Variants in MAP3K14 observed in about 807,000 individuals in gnomAD.
MAP3K14 encodes the protein NF-kappa-beta-inducing kinase.
Under a neutral mutation model 99.2 loss-of-function variants are expected in MAP3K14, and 16 were observed. The ratio of observed to expected loss-of-function variants is 0.16; its 90% confidence interval spans 0.11 to 0.24. The LOEUF is 0.24. Among genes scored for constraint, MAP3K14 ranks in the 10% least tolerant of loss-of-function variants. The probability of loss-of-function intolerance (pLI) is 1.00; values close to 1 mark genes in which losing one functional copy is unlikely to be tolerated. For missense variants in MAP3K14, 784 were observed against 1,208.7 expected, an observed-to-expected ratio of 0.65 and a Z score of 5.21; for synonymous variants, 462 against 492.4, an observed-to-expected ratio of 0.94 and a Z score of 0.82.
In MAP3K14 at chr17:45,290,790, G is replaced by C. The variant is rs187427485; in HGVS notation, c.-20-25C>G. ...CCTGAGAGAGACCAAACACAGAGCA[G>C]GTCACTTAGAATCCCAGACCTGGGA... On this transcript the variant is annotated intron_variant, in intron 1 of 15. Transcript: ENST00000344686. 17 of 1,594,798 alleles carry C rather than the reference G, an allele frequency of 1.1e-5. No individual in the cohort carries two copies. The East Asian group carries it at 1.4e-4, about 13-fold the overall frequency.
At chr17:45,288,664 T>C (rs2044287227) in intron 3 of MAP3K14, among the ~76,000 whole-genome samples, 2 of 152,146 alleles carry the variant, frequency 1.3e-5, no homozygotes, top group South Asian at 2.1e-4. Flanking sequence ...GTGAGAGCCA[T>C]TGTGCCCAGC....
At chr17:45,265,734 G>C (rs2044074759) in intron 14 of MAP3K14, among the ~76,000 whole-genome samples, 1 of 152,058 alleles carries the variant, frequency 6.6e-6, no homozygotes, top group South Asian at 2.1e-4. Context: ...CACCACACCT[G>C]GTCACAAAGC....
Position 45,264,120 on chromosome 17 carries a change from CAGGCAAGGG to C in MAP3K14, c.*507_*515del. Reference sequence around the variant, plus strand: ...AAGGGGTGAGCTGGCCAGGTGAGGCCAGGCAAGGGGTTTAGAGGGCCCCCTTAACCTACG... The same window carrying C: ...AAGGGGTGAGCTGGCCAGGTGAGGCCGTTTAGAGGGCCCCCTTAACCTACG... On this transcript the variant is annotated 3_prime_UTR_variant, in exon 16 of 16. Transcript: ENST00000344686. 1 of 152,896 alleles carries C rather than the reference CAGGCAAGGG, an allele frequency of 6.5e-6. No homozygotes were observed. The highest frequency in any genetic ancestry group is 1.5e-5 in the Non-Finnish European group (1 of 68,458). The allele number at this position is 152,896 out of a possible 1,614,324, so 9.5% of individuals were successfully genotyped here.
chr17:45,296,695 C>T (rs1267689279), intron 1 of MAP3K14, among the ~76,000 whole-genome samples: 1 of 148,320 alleles, frequency 6.7e-6, no homozygotes, highest in East Asian at 1.9e-4. Flanking sequence ...GCCCTTCCCC[C>T]AGTTTGTTCC....
At chr17:45,289,470 G>C (rs8068050) in intron 2 of MAP3K14, among the ~76,000 whole-genome samples, 165 bp from the exon 3 acceptor site, 239 of 152,190 alleles carry the variant, frequency 1.6e-3, no homozygotes, top group African/African-American at 5.4e-3. Context: ...TTCCCGCACT[G>C]TCTCTCCCCA....
In MAP3K14 at chr17:45,269,047, G is replaced by C. The variant is rs556621320; in HGVS notation, c.1973-1288C>G. ...TTTATTTATTTATTTTTTGAGTCGG[G>C]TCTCTGTTGCGCAGGCTGGAGTGCA... On this transcript the variant is annotated intron_variant, in intron 11 of 15. Coordinates refer to ENST00000344686, the MANE Select transcript of MAP3K14 (RefSeq NM_003954.5). 1.9e-3 allele frequency among the ~76,000 whole-genome samples: 290 copies of C among 152,140 alleles called. 1 individual carries two copies. Among genetic ancestry groups the C allele is most frequent in the Non-Finnish European group, 3.1e-3 (210 of 68,004 alleles).
At chr17:45,271,941 G>A (rs1049385108) in intron 9 of MAP3K14, among the ~76,000 whole-genome samples, 2 of 152,178 alleles carry the variant, frequency 1.3e-5, no homozygotes, top group African/African-American at 4.8e-5. Context: ...GTAAAAGACT[G>A]AAAGGATAGA....
chr17:45,285,774 A>G (rs1485325111), intron 5 of MAP3K14, among the ~76,000 whole-genome samples: 2 of 152,074 alleles, frequency 1.3e-5, no homozygotes, highest in African/African-American at 4.8e-5. Context: ...TGGGCAACAT[A>G]GCAAGACCTC....
In MAP3K14 at chr17:45,270,562, A is replaced by G; in HGVS notation, c.1823T>C (p.Ile608Thr). 1 of 1,547,898 alleles carries G rather than the reference A, an allele frequency of 6.5e-7. No individual in the cohort carries two copies. The highest frequency in any genetic ancestry group is 8.7e-7 in the Non-Finnish European group (1 of 1,149,012). Residue 608 changes from isoleucine to threonine, a missense_variant and splice_region_variant, in exon 11 of 16, where the codon ATT becomes ACT. Ile to Thr is a moderately conservative substitution (Grantham distance 89). Coordinates refer to ENST00000344686, the MANE Select transcript of MAP3K14 (RefSeq NM_003954.5). ...QFFRGPLCLK[I>T]ASEPPPVREI... Reference sequence around the variant, plus strand: ...CCTCACAGGCGGAGGCTCGCTGGCAATCTGGGGGGCAAAAGACAACAGGTG... The same window carrying G: ...CCTCACAGGCGGAGGCTCGCTGGCAGTCTGGGGGGCAAAAGACAACAGGTG...
chr17:45,295,342 G>A (rs956145268), intron 1 of MAP3K14, among the ~76,000 whole-genome samples: 10 of 151,812 alleles, frequency 6.6e-5, no homozygotes, highest in African/African-American at 9.7e-5. Flanking sequence ...ATTTGAACCC[G>A]CTGCCCTGGC....
At position 45,267,062 on chromosome 17, in the gene MAP3K14, G is replaced by T; in HGVS notation, c.2433+30C>A. 6.6e-7 allele frequency: 1 copy of T among 1,504,540 alleles called. No individual in the cohort carries two copies. Among genetic ancestry groups the T allele is most frequent in the Non-Finnish European group, 9.1e-7 (1 of 1,102,912 alleles). The allele number at this position is 1,504,540 out of a possible 1,614,324, so 93.2% of individuals were successfully genotyped here. A position where few individuals can be genotyped will look rare whatever the true frequency, so the allele number is the denominator to read the frequency against. ...GGGCCGGGAAAACCACACCCCTGGA[G>T]CCATGGCTCCGGGGCCACAACCGAC... On this transcript the variant is annotated intron_variant, in intron 13 of 15. Coordinates refer to ENST00000344686, the MANE Select transcript of MAP3K14 (RefSeq NM_003954.5). The surrounding 1 kb of genome is among the most constrained non-coding windows in gnomAD (Gnocchi z 5.1).
chr17:45,299,945 C>A (rs1376929930), intron 1 of MAP3K14, among the ~76,000 whole-genome samples: 2 of 151,996 alleles, frequency 1.3e-5, no homozygotes, highest in Non-Finnish European at 2.9e-5. Flanking sequence ...CAAAAATTAG[C>A]CAGGCATGGT....
In MAP3K14 at chr17:45,267,040, C is replaced by A. The variant is rs925698718; in HGVS notation, c.2433+52G>T. 1.2e-5 allele frequency: 16 copies of A among 1,327,744 alleles called. No homozygotes were observed. The highest frequency in any genetic ancestry group is 1.7e-5 in the Non-Finnish European group (16 of 944,658). 82.2% of individuals were successfully genotyped at this position (1,327,744 alleles called of 1,614,324 possible). On this transcript the variant is annotated intron_variant, in intron 13 of 15. Coordinates refer to ENST00000344686, the MANE Select transcript of MAP3K14 (RefSeq NM_003954.5). The surrounding 1 kb of genome is among the most constrained non-coding windows in gnomAD (Gnocchi z 5.1). The stretch of plus-strand genomic sequence containing the variant: ...CAAAGCTACTTGCTCTGTGCCAGGG[C>A]CGGGAAAACCACACCCCTGGAGCCA...
intron 1 of MAP3K14, among the ~76,000 whole-genome samples, chr17:45,302,880 T>C (rs1194584706): frequency 6.6e-6 from 1 of 152,246 alleles, no homozygotes; most frequent in Non-Finnish European, 1.5e-5. Flanking sequence ...TGGGCAAGCT[T>C]GTCCTTCCTG....
At position 45,286,171 on chromosome 17, in the gene MAP3K14, C is replaced by T. The variant is rs184507771; in HGVS notation, c.1152+260G>A. Reference sequence around the variant, plus strand: ...GTGGCTCCTGGCTGATTCCCCTTGTCCTCAGCATGTGTACTATTAATGCAG... The same window carrying T: ...GTGGCTCCTGGCTGATTCCCCTTGTTCTCAGCATGTGTACTATTAATGCAG... On this transcript the variant is annotated intron_variant, in intron 5 of 15. Coordinates refer to ENST00000344686, the MANE Select transcript of MAP3K14 (RefSeq NM_003954.5). The surrounding 1 kb of genome is among the most constrained non-coding windows in gnomAD (Gnocchi z 4.1). 2.0e-4 allele frequency among the ~76,000 whole-genome samples: 30 copies of T among 152,192 alleles called. No individual in the cohort carries two copies. The highest frequency in any genetic ancestry group is 3.8e-4 in the Non-Finnish European group (26 of 68,006).
In MAP3K14 at chr17:45,305,396, G is replaced by GTT. The variant is rs35851298; in HGVS notation, c.-21+11562_-21+11563dup. ...CAGGCGTGAGCCACAGCGCCCGGCC[G>GTT]TTTTTTTTTTTTTTTTTGTGAGACA... On this transcript the variant is annotated intron_variant, in intron 1 of 15. Coordinates refer to ENST00000344686, the MANE Select transcript of MAP3K14 (RefSeq NM_003954.5). Among the ~76,000 whole-genome samples the GTT allele has an allele frequency of 2.9e-3, 330 of 113,924 alleles. 4 individuals are homozygous for GTT. The highest frequency in any genetic ancestry group is 9.3e-3 in the African/African-American group (270 of 28,988). 74.7% of individuals were successfully genotyped at this position (113,924 alleles called of 152,430 possible). A position where few individuals can be genotyped will look rare whatever the true frequency, so the allele number is the denominator to read the frequency against.
chr17:45,314,293 A>C (rs1229964931), intron 1 of MAP3K14, among the ~76,000 whole-genome samples: 1 of 152,158 alleles, frequency 6.6e-6, no homozygotes, highest in Non-Finnish European at 1.5e-5. Flanking sequence ...CACCGAGTAA[A>C]TGCAAAACCT....
intron 1 of MAP3K14, among the ~76,000 whole-genome samples, chr17:45,306,400 C>A (rs1211058161): frequency 6.8e-6 from 1 of 147,476 alleles, no homozygotes; most frequent in Non-Finnish European, 1.5e-5. Context: ...AGGGACTGGC[C>A]TGGGAGGAAG....
chr17:45,290,854 G>GACCCTTTGCCCCT, intron 1 of MAP3K14, 89 bp from the exon 2 acceptor site: 1 of 1,318,704 alleles, frequency 7.6e-7, no homozygotes, highest in Non-Finnish European at 1.1e-6. Context: ...GAAAGGCAGG[G>GACCCTTTGCCCCT]GCAAAGGGTC....
Sources: allele counts gnomAD v4.1 joint callset (sites outside exome capture counted in the v4.1 genomes callset), GRCh38; gene constraint gnomAD v4.1.1; non-coding constraint Gnocchi (gnomAD v3.1); transcripts MANE v1.5; gene names NCBI Gene and HGNC (gene_info 2026-07-23, HGNC 2026-07-21).